LHCGR: variants seen among roughly 807,000 people sequenced by gnomAD.
LHCGR encodes the protein luteinizing hormone/choriogonadotropin receptor, also known as lutropin-choriogonadotropic hormone receptor.
A neutral mutation model predicts 60.7 loss-of-function variants in LHCGR; 55 were observed. The ratio of observed to expected loss-of-function variants is 0.91; its 90% CI spans 0.73 to 1.13. LHCGR has a LOEUF of 1.13. Among genes scored for constraint, LHCGR ranks in the 50% most tolerant of loss-of-function variants. The pLI, the probability that LHCGR is intolerant of heterozygous loss-of-function variation, is 0.00. For missense variants in LHCGR, 862 were observed against 836.0 expected, an observed-to-expected ratio of 1.03 and a Z score of -0.38; for synonymous variants, 337 against 316.5, an observed-to-expected ratio of 1.06 and a Z score of -0.69.
In LHCGR at chr2:48,688,065, C is replaced by T. The variant is rs121912532; in HGVS notation, c.1732G>A (p.Asp578Asn). 1.1e-5 allele frequency: 17 copies of T among 1,613,982 alleles called. No individual in the cohort carries two copies. Among genetic ancestry groups the T allele is most frequent in the Admixed American group, 1.7e-5 (1 of 59,994 alleles). Reference protein sequence around the residue: ...AKKMAILIFTDFTCMAPISFF... With the variant: ...AKKMAILIFTNFTCMAPISFF... ...GAGATAGGTGCCATGCAGGTGAAAT[C>T]GGTGAAGATGAGGATTGCCATTTTC... Residue 578 changes from aspartate to asparagine, a missense_variant, in exon 11 of 11, where the codon GAT becomes AAT. Transcript: ENST00000294954. The surrounding 1 kb of genome is among the most constrained non-coding windows in gnomAD (Gnocchi z 5.2).
intron 1 of LHCGR, among the ~76,000 whole-genome samples, chr2:48,743,735 T>G (rs907695396): frequency 2.0e-5 from 3 of 151,992 alleles, no homozygotes; most frequent in Non-Finnish European, 4.4e-5. Context: ...ACAGCCAATA[T>G]CATACTGAAT....
intron 7 of LHCGR, among the ~76,000 whole-genome samples, 168 bp downstream of exon 7, chr2:48,713,818 G>T (rs193031451): frequency 2.6e-5 from 4 of 152,244 alleles, no homozygotes; most frequent in Admixed American, 2.6e-4. Flanking sequence ...AGGGTGCTCT[G>T]GGGTTTCTAG....
intron 1 of LHCGR, among the ~76,000 whole-genome samples, chr2:48,739,545 A>T (rs1390094021): frequency 1.3e-5 from 2 of 152,166 alleles, no homozygotes. Context: ...CATCATTCTC[A>T]GCAAACTATC....
chr2:48,746,878 T>C (rs539894160), intron 1 of LHCGR, among the ~76,000 whole-genome samples: 1 of 152,360 alleles, frequency 6.6e-6, no homozygotes, highest in East Asian at 1.9e-4. Context: ...CTGGGGAATG[T>C]CTGCCTCACC....
intron 8 of LHCGR, among the ~76,000 whole-genome samples, chr2:48,701,115 TAGAG>T (rs1408008996): frequency 2.0e-5 from 3 of 151,458 alleles, no homozygotes; most frequent in African/African-American, 4.9e-5. Context: ...AGTTAGGAAA[TAGAG>T]AGTGAGGGGC....
intron 1 of LHCGR, among the ~76,000 whole-genome samples, chr2:48,752,155 A>T (rs1669984426): frequency 6.6e-6 from 1 of 152,204 alleles, no homozygotes; most frequent in Admixed American, 6.5e-5. Context: ...TTAAATACCT[A>T]TGTTTTTCAT....
Position 48,687,939 on chromosome 2 carries a change from G to C in LHCGR, c.1858C>G (p.Pro620Ala), listed in dbSNP as rs767592545. The C allele has an allele frequency of 2.3e-5, 37 of 1,614,068 alleles. No homozygotes were observed. Among genetic ancestry groups the C allele is most frequent in the Non-Finnish European group, 3.1e-5 (37 of 1,179,950 alleles). The change falls in exon 11 of 11, where the codon CCA becomes GCA. Residue 620 changes from proline to alanine, a missense_variant. Coordinates refer to ENST00000294954, the MANE Select transcript of LHCGR (RefSeq NM_000233.4). ...TTAGTGAATATTGCATACAGAAATG[G>C]ATTGGCACAAGAATTGATGGGATAA... ...LFYPINSCAN[P>A]FLYAIFTKTF...
intron 1 of LHCGR, among the ~76,000 whole-genome samples, chr2:48,739,896 A>G (rs1410718241): frequency 6.6e-6 from 1 of 152,262 alleles, no homozygotes; most frequent in Non-Finnish European, 1.5e-5. Flanking sequence ...GCAACGCAGA[A>G]GATGGGTGAT....
chr2:48,750,806 T>C (rs1485476812), intron 1 of LHCGR, among the ~76,000 whole-genome samples: 2 of 152,164 alleles, frequency 1.3e-5, no homozygotes, highest in Admixed American at 6.6e-5. Context: ...GGGGAGGAAT[T>C]TCCCCCTGCC....
In LHCGR at chr2:48,689,205, TAC is replaced by T. The variant is rs1022851228; in HGVS notation, c.948-358_948-357del. Among the ~76,000 whole-genome samples the T allele has an allele frequency of 9.2e-5, 14 of 151,600 alleles. 2 individuals are homozygous for T. The highest frequency in any genetic ancestry group is 3.4e-4 in the African/African-American group (14 of 41,368). The stretch of plus-strand genomic sequence containing the variant: ...CACACATATATATACTATACATACA[TAC>T]ATATATATATAACATTGATACAAAA... On this transcript the variant is annotated intron_variant, in intron 10 of 10. Coordinates refer to ENST00000294954, the MANE Select transcript of LHCGR (RefSeq NM_000233.4).
At chr2:48,708,009 C>T (rs987388896) in intron 8 of LHCGR, among the ~76,000 whole-genome samples, 2 of 152,208 alleles carry the variant, frequency 1.3e-5, no homozygotes, top group Non-Finnish European at 2.9e-5. Context: ...TGCCCTGCTT[C>T]AGCTGGCCCT....
chr2:48,689,051 A>G (rs1680058738), intron 10 of LHCGR, among the ~76,000 whole-genome samples: 1 of 152,044 alleles, frequency 6.6e-6, no homozygotes, highest in Admixed American at 6.6e-5. Context: ...CATTTAGACT[A>G]TATATACACA....
intron 1 of LHCGR, among the ~76,000 whole-genome samples, chr2:48,734,855 A>G (rs1669148465): frequency 6.6e-6 from 1 of 152,342 alleles, no homozygotes; most frequent in Non-Finnish European, 1.5e-5. Context: ...ATACACCACA[A>G]CTATGCACCT....
At chr2:48,697,756 C>T (rs1667193246) in intron 9 of LHCGR, among the ~76,000 whole-genome samples, 1 of 152,030 alleles carries the variant, frequency 6.6e-6, no homozygotes, top group Admixed American at 6.5e-5. Context: ...CAGTGTTGTT[C>T]CAACTGTGAG....
At chr2:48,711,241 A>T (rs1667975738) in intron 7 of LHCGR, among the ~76,000 whole-genome samples, 1 of 152,132 alleles carries the variant, frequency 6.6e-6, no homozygotes, top group South Asian at 2.1e-4. Flanking sequence ...ACTCTCTCAG[A>T]TCTCAGTAAC....
intron 1 of LHCGR, among the ~76,000 whole-genome samples, chr2:48,741,272 T>A (rs375465966): frequency 3.3e-5 from 5 of 152,096 alleles, no homozygotes; most frequent in Admixed American, 2.0e-4. Flanking sequence ...ACTCTGCAGG[T>A]TATTATCCAG....
At chr2:48,694,659 G>A (rs1267699279) in intron 9 of LHCGR, among the ~76,000 whole-genome samples, 1 of 152,074 alleles carries the variant, frequency 6.6e-6, no homozygotes, top group East Asian at 1.9e-4. Context: ...TTCCACATTG[G>A]CCTTAACAAA....
intron 8 of LHCGR, among the ~76,000 whole-genome samples, chr2:48,707,772 A>T (rs1433843541): frequency 6.6e-6 from 1 of 152,262 alleles, no homozygotes; most frequent in Non-Finnish European, 1.5e-5. Context: ...ACTAGCAGCA[A>T]GAACTTCAAG....
At chr2:48,750,758 G>T (rs143404929) in intron 1 of LHCGR, among the ~76,000 whole-genome samples, 1 of 152,164 alleles carries the variant, frequency 6.6e-6, no homozygotes, top group Non-Finnish European at 1.5e-5. Flanking sequence ...TTCTTCAGGT[G>T]GTTCTTACTC....
Sources: gnomAD v4.1 joint callset for allele counts (sites outside exome capture counted in the v4.1 genomes callset) on GRCh38, gnomAD v4.1.1 for gene constraint, Gnocchi (gnomAD v3.1) non-coding constraint, MANE v1.5 for transcripts, NCBI Gene and HGNC (gene_info 2026-07-23, HGNC 2026-07-21) for gene names.